The following ATP13A4 variants were observed in gnomAD, a reference collection of about 807,000 sequenced individuals.
ATP13A4 encodes the protein probable cation-transporting ATPase 13A4.
Under a neutral mutation model 142.5 loss-of-function variants are expected in ATP13A4, and 114 were observed. The ratio of observed to expected loss-of-function variants is 0.80; its 90% confidence interval spans 0.69 to 0.93. The LOEUF is 0.93. Among genes scored for constraint, ATP13A4 ranks in the 40% least tolerant of loss-of-function variants. The probability of loss-of-function intolerance (pLI) is 0.00; values close to 1 mark genes in which losing one functional copy is unlikely to be tolerated. For synonymous variants in ATP13A4, 488 were observed against 514.8 expected, an observed-to-expected ratio of 0.95 and a Z score of 0.70; for missense variants, 1,392 against 1,454.0, an observed-to-expected ratio of 0.96 and a Z score of 0.69.
intron 1 of ATP13A4, among the ~76,000 whole-genome samples, chr3:193,522,071 T>C (rs1379840792): frequency 1.3e-5 from 2 of 152,256 alleles, no homozygotes; most frequent in African/African-American, 4.8e-5. Context: ...CAGAGGCCAC[T>C]GCCTACGGCC....
At chr3:193,442,969 C>G (rs557004108) in intron 18 of ATP13A4, among the ~76,000 whole-genome samples, 1 of 152,070 alleles carries the variant, frequency 6.6e-6, no homozygotes, top group African/African-American at 2.4e-5. Context: ...GAACAAAAAC[C>G]AAGAAGCAAC....
In ATP13A4 at chr3:193,417,700, A is replaced by ATGTAAAGAAAAGAGAACACTTAC. The variant is rs1361802616; in HGVS notation, c.2843-2951_2843-2950insGTAAGTGTTCTCTTTTCTTTACA. On this transcript the variant is annotated intron_variant, in intron 25 of 29. Coordinates refer to ENST00000342695, the MANE Select transcript of ATP13A4 (RefSeq NM_032279.4). ...ACCCAGAGACATTAGACAAAAAAGAAATTGGCCAGGCGCGGTGGCTCATGC... is the reference window on the plus strand; with the variant it reads ...ACCCAGAGACATTAGACAAAAAAGAATGTAAAGAAAAGAGAACACTTACATTGGCCAGGCGCGGTGGCTCATGC... Among the ~76,000 whole-genome samples the ATGTAAAGAAAAGAGAACACTTAC allele has an allele frequency of 1.4e-3, 188 of 139,068 alleles. 1 individual carries two copies. The highest frequency in any genetic ancestry group is 5.4e-3 in the East Asian group (20 of 3,716). 91.2% of individuals were successfully genotyped at this position (139,068 alleles called of 152,430 possible).
intron 2 of ATP13A4, among the ~76,000 whole-genome samples, chr3:193,580,690 G>A (rs1274646321): frequency 1.3e-5 from 2 of 152,136 alleles, no homozygotes; most frequent in Non-Finnish European, 2.9e-5. Context: ...CCAGAGTGTG[G>A]AGCAAAAAAT....
In ATP13A4 at chr3:193,457,073, C is replaced by T; in HGVS notation, c.1842G>A (p.Glu614=). The T allele has an allele frequency of 6.2e-7, 1 of 1,614,088 alleles. No individual in the cohort carries two copies. The highest frequency in any genetic ancestry group is 1.1e-5 in the South Asian group (1 of 91,072). The change falls in exon 16 of 30, where the codon GAG becomes GAA. Residue 614 remains glutamate, a synonymous_variant. Coordinates refer to ENST00000342695, the MANE Select transcript of ATP13A4 (RefSeq NM_032279.4). The part of the protein sequence containing the change: ...ALQRMTVIVQ[E]MGGDRLAFMK... ...TGAATGCCAGTCGGTCACCTCCCAT[C>T]TCTTGGACAATGACTGTCATTCTTT...
In ATP13A4 at chr3:193,474,440, G is replaced by A. The variant is rs141305111; in HGVS notation, c.809-3447C>T. ...ATGGTGGCGCACACTGGAAGCTGAGGTAGGAGGATTACTTGGGACCAGGAG... is the reference window on the plus strand; with the variant it reads ...ATGGTGGCGCACACTGGAAGCTGAGATAGGAGGATTACTTGGGACCAGGAG... On this transcript the variant is annotated intron_variant, in intron 8 of 29. Coordinates refer to ENST00000342695, the MANE Select transcript of ATP13A4 (RefSeq NM_032279.4). 6.5e-3 allele frequency among the ~76,000 whole-genome samples: 987 copies of A among 151,534 alleles called. 21 individuals are homozygous for A. Among genetic ancestry groups the A allele is most frequent in the African/African-American group, 0.022 (924 of 41,266 alleles).
intron 2 of ATP13A4, among the ~76,000 whole-genome samples, chr3:193,508,873 G>A (rs1432748924): frequency 2.0e-5 from 3 of 151,954 alleles, no homozygotes; most frequent in Non-Finnish European, 4.4e-5. Flanking sequence ...TTAATTCAAC[G>A]TATTAAATTA....
intron 2 of ATP13A4, among the ~76,000 whole-genome samples, chr3:193,503,539 T>A (rs77748917): frequency 6.6e-6 from 1 of 152,262 alleles, no homozygotes; most frequent in East Asian, 1.9e-4. Flanking sequence ...TGGGAAAAAT[T>A]TGATGCTTGG....
At chr3:193,567,061 G>GTATT (rs1724150481) in intron 2 of ATP13A4, among the ~76,000 whole-genome samples, 1 of 151,418 alleles carries the variant, frequency 6.6e-6, no homozygotes, top group South Asian at 2.1e-4. Context: ...TATTCAAATT[G>GTATT]GGTACAAAAA....
At chr3:193,425,129 T>C (rs1715593313) in intron 25 of ATP13A4, among the ~76,000 whole-genome samples, 2 of 136,462 alleles carry the variant, frequency 1.5e-5, no homozygotes, top group African/African-American at 2.7e-5. Context: ...ATCATTAATA[T>C]CAGGGAAATG....
chr3:193,479,139 T>C (rs1304966825), intron 8 of ATP13A4, among the ~76,000 whole-genome samples: 1 of 152,164 alleles, frequency 6.6e-6, no homozygotes, highest in Non-Finnish European at 1.5e-5. Context: ...AAGCCACCTA[T>C]GACAAATCCA....
intron 1 of ATP13A4, chr3:193,553,523 C>T (rs2108731037): frequency 6.6e-6 from 1 of 152,250 alleles, no homozygotes; most frequent in East Asian, 1.9e-4. Flanking sequence ...ATATTCACTT[C>T]CTAAAGAAAA....
intron 28 of ATP13A4, among the ~76,000 whole-genome samples, 173 bp from the exon 29 acceptor site, chr3:193,407,566 A>G (rs1714568090): frequency 6.6e-6 from 1 of 152,186 alleles, no homozygotes; most frequent in Admixed American, 6.5e-5. Flanking sequence ...TATGCACAGA[A>G]AAAGTACGGA....
intron 1 of ATP13A4, among the ~76,000 whole-genome samples, chr3:193,587,840 A>G (rs1230537985): frequency 6.6e-6 from 1 of 152,178 alleles, no homozygotes; most frequent in African/African-American, 2.4e-5. Flanking sequence ...GGGTTATGCC[A>G]TAATCCCAAA....
intron 25 of ATP13A4, among the ~76,000 whole-genome samples, chr3:193,420,294 T>C (rs2108609427): frequency 6.7e-6 from 1 of 149,950 alleles, no homozygotes; most frequent in East Asian, 2.1e-4. Flanking sequence ...GAAAAACTTG[T>C]ACAAAGTCTA....
chr3:193,566,418 C>T (rs1724135465), intron 2 of ATP13A4, among the ~76,000 whole-genome samples: 1 of 152,136 alleles, frequency 6.6e-6, no homozygotes, highest in Non-Finnish European at 1.5e-5. Flanking sequence ...GTACCAGTGA[C>T]CTATTGGCCC....
rs183149787 is a variant in ATP13A4 at position 193,414,051 on chromosome 3, A to C, written c.3014+528T>G. Among the ~76,000 whole-genome samples, 8 of 152,260 alleles carry C rather than the reference A, an allele frequency of 5.3e-5. No individual in the cohort carries two copies. The East Asian group carries it at 1.5e-3, about 29-fold the overall frequency. On this transcript the variant is annotated intron_variant, in intron 26 of 29. Coordinates refer to ENST00000342695, the MANE Select transcript of ATP13A4 (RefSeq NM_032279.4). ...TGTCACCACGGAGGCCCAACTGCAAAATTCCTCTCTTTGTACTCTTTCTCT... is the reference window on the plus strand; with the variant it reads ...TGTCACCACGGAGGCCCAACTGCAACATTCCTCTCTTTGTACTCTTTCTCT...
intron 2 of ATP13A4, among the ~76,000 whole-genome samples, chr3:193,578,233 C>T (rs1724449169): frequency 6.6e-6 from 1 of 152,072 alleles, no homozygotes; most frequent in South Asian, 2.1e-4. Context: ...ACGGAGGTTG[C>T]AGTGAGCCAA....
intron 7 of ATP13A4, among the ~76,000 whole-genome samples, chr3:193,484,245 C>T (rs1215796802): frequency 1.3e-5 from 2 of 151,848 alleles, no homozygotes; most frequent in Non-Finnish European, 2.9e-5. Flanking sequence ...CCAGCATGCT[C>T]TTTCCACTCA....
rs926448199 is a variant in ATP13A4 at position 193,399,154 on chromosome 3, G to T, written c.*3498C>A. Among the ~76,000 whole-genome samples, 6 of 152,132 alleles carry T rather than the reference G, an allele frequency of 3.9e-5. No homozygotes were observed. Among genetic ancestry groups the T allele is most frequent in the Non-Finnish European group, 8.8e-5 (6 of 68,024 alleles). ...GAGTCACGGTTCTCTGTGGGTAAGA[G>T]CTAGATGCCTTGAGATGAACATACA... is the stretch of plus-strand genomic sequence containing the variant. On this transcript the variant is annotated 3_prime_UTR_variant, in exon 30 of 30. Coordinates refer to ENST00000342695, the MANE Select transcript of ATP13A4 (RefSeq NM_032279.4).
Sources: allele counts gnomAD v4.1 joint callset (sites outside exome capture counted in the v4.1 genomes callset), GRCh38; gene constraint gnomAD v4.1.1; transcripts MANE v1.5; gene names NCBI Gene and HGNC (gene_info 2026-07-23, HGNC 2026-07-21).